The following HEPHL1 variants were observed in gnomAD, a reference collection of about 807,000 sequenced individuals.
The protein encoded by HEPHL1 is ferroxidase HEPHL1.
In HEPHL1, 123 loss-of-function variants were observed where a neutral mutation model predicts 122.0. The ratio of observed to expected loss-of-function variants is 1.01; its 90% CI spans 0.87 to 1.17. HEPHL1 has a LOEUF of 1.17. Among genes scored for constraint, HEPHL1 ranks in the 50% most tolerant of loss-of-function variants. The pLI, the probability that HEPHL1 is intolerant of heterozygous loss-of-function variation, is 0.00. For missense variants in HEPHL1, 1,452 were observed against 1,430.5 expected, an observed-to-expected ratio of 1.01 and a Z score of -0.24; for synonymous variants, 527 against 508.9, an observed-to-expected ratio of 1.04 and a Z score of -0.48.
chr11:94,110,652 A>AG (rs1356198933), intron 17 of HEPHL1, among the ~76,000 whole-genome samples: 1 of 152,196 alleles, frequency 6.6e-6, no homozygotes, highest in African/African-American at 2.4e-5. Flanking sequence ...GAATACCAGG[A>AG]GGTGGGGATC....
intron 15 of HEPHL1, among the ~76,000 whole-genome samples, chr11:94,103,872 T>C (rs1946388958): frequency 6.6e-6 from 1 of 152,184 alleles, no homozygotes; most frequent in Non-Finnish European, 1.5e-5. Flanking sequence ...CATATGAGAA[T>C]TATGGGAAAA....
At chr11:94,101,077 T>G in intron 13 of HEPHL1, 118 bp from the exon 14 acceptor site, 1 of 1,092,018 alleles carries the variant, frequency 9.2e-7, no homozygotes, top group Non-Finnish European at 1.4e-6. Context: ...ATATATGCCT[T>G]TCTCGGAAAA....
In HEPHL1 at chr11:94,104,707, T is replaced by G. The variant is rs1946395194; in HGVS notation, c.2862T>G (p.Asp954Glu). 1 of 1,613,742 alleles carries G rather than the reference T, an allele frequency of 6.2e-7. No individual in the cohort carries two copies. Among genetic ancestry groups the G allele is most frequent in the South Asian group, 1.1e-5 (1 of 91,076 alleles). ...AGTATCTCAACAAAGATCCACGAGATTTTAAGCGCACTGATGATTTTGAGG... is the reference window on the plus strand; with the variant it reads ...AGTATCTCAACAAAGATCCACGAGAGTTTAAGCGCACTGATGATTTTGAGG... The part of the protein sequence containing the change: ...IKKYLNKDPR[D>E]FKRTDDFEES... Residue 954 changes from aspartate to glutamate, a missense_variant, in exon 16 of 20, where the codon GAT becomes GAG. By Grantham distance (45) the Asp-to-Glu change is conservative. Coordinates refer to ENST00000315765, the MANE Select transcript of HEPHL1 (RefSeq NM_001098672.2).
At chr11:94,027,172 G>A (rs976337613) in intron 1 of HEPHL1, among the ~76,000 whole-genome samples, 16 of 152,092 alleles carry the variant, frequency 1.1e-4, no homozygotes, top group African/African-American at 3.6e-4. Context: ...TCTTCTCTCT[G>A]TGTGTCTAGC....
intron 15 of HEPHL1, 50 bp from the exon 16 acceptor site, chr11:94,104,475 ATAT>A: frequency 8.0e-7 from 1 of 1,253,198 alleles, no homozygotes; most frequent in South Asian, 1.3e-5. Context: ...GTGGAATGAA[ATAT>A]TATTAAATTA....
At chr11:94,102,287 C>G (rs72968759) in intron 14 of HEPHL1, among the ~76,000 whole-genome samples, 74 of 152,244 alleles carry the variant, frequency 4.9e-4, no homozygotes, top group Non-Finnish European at 8.2e-4. Context: ...CTATGATGAC[C>G]AACCCACTTT....
chr11:94,055,488 G>A (rs1050104929), intron 2 of HEPHL1: 1 of 241,374 alleles, frequency 4.1e-6, no homozygotes, highest in Non-Finnish European at 8.4e-6. Context: ...TCCAGGATGA[G>A]CTCAAAGGTG....
chr11:94,057,093 G>A (rs904772061), intron 2 of HEPHL1, among the ~76,000 whole-genome samples: 2 of 152,038 alleles, frequency 1.3e-5, no homozygotes, highest in East Asian at 1.9e-4. Flanking sequence ...TTCTGGGTTC[G>A]AATGTTCAGA....
intron 1 of HEPHL1, among the ~76,000 whole-genome samples, chr11:94,033,629 C>A (rs16919850): frequency 0.016 from 2,505 of 152,176 alleles, 77 homozygotes; most frequent in African/African-American, 0.057. Context: ...CTGTCCTGGA[C>A]CTAGAGGGTA....
chr11:94,064,928 C>G (rs961232855), intron 4 of HEPHL1, among the ~76,000 whole-genome samples: 3 of 152,100 alleles, frequency 2.0e-5, no homozygotes, highest in Non-Finnish European at 4.4e-5. Flanking sequence ...TTTTCTGAGC[C>G]GCTGATAAAT....
chr11:94,104,402 G>T, intron 15 of HEPHL1, 126 bp from the exon 16 acceptor site: 2 of 671,514 alleles, frequency 3.0e-6, no homozygotes, highest in Non-Finnish European at 5.2e-6. Context: ...AATCAGAGCT[G>T]AGAGAAGAAT....
chr11:94,046,091 C>CTTTTTTTCTTTTTTTTTT (rs1945834385), intron 2 of HEPHL1, among the ~76,000 whole-genome samples, 174 bp downstream of exon 2: 1 of 65,044 alleles, frequency 1.5e-5, no homozygotes, highest in Non-Finnish European at 2.6e-5. Context: ...CCCTTTCTTG[C>CTTTTTTTCTTTTTTTTTT]TTTTTTTTTT....
intron 9 of HEPHL1, 41 bp downstream of exon 9, chr11:94,075,426 G>A (rs1946113630): frequency 7.0e-7 from 1 of 1,427,334 alleles, no homozygotes; most frequent in Non-Finnish European, 9.4e-7. Context: ...AGGGTTGTAT[G>A]TGGGAGAGAT....
At chr11:94,044,105 A>G (rs1422521855) in intron 1 of HEPHL1, among the ~76,000 whole-genome samples, 1 of 151,684 alleles carries the variant, frequency 6.6e-6, no homozygotes. Context: ...TGGAGCTAGG[A>G]TGGGAGCTCC....
intron 11 of HEPHL1, among the ~76,000 whole-genome samples, chr11:94,088,511 A>G (rs1329815653): frequency 6.6e-6 from 1 of 151,980 alleles, no homozygotes; most frequent in Non-Finnish European, 1.5e-5. Flanking sequence ...CTTGGTAGCA[A>G]TATTGTAAGT....
chr11:94,079,137 G>A (rs142095934), intron 9 of HEPHL1, among the ~76,000 whole-genome samples: 4 of 152,282 alleles, frequency 2.6e-5, no homozygotes, highest in African/African-American at 9.6e-5. Context: ...ATATTTGTCA[G>A]TTGTTGCGTT....
At chr11:94,056,019 C>T in intron 2 of HEPHL1, 1 of 668,514 alleles carries the variant, frequency 1.5e-6, no homozygotes, top group Non-Finnish European at 2.4e-6. Flanking sequence ...ATTCTCTGTT[C>T]TTTAAATTAA....
At chr11:94,062,637 T>G (rs1401478994) in intron 2 of HEPHL1, among the ~76,000 whole-genome samples, 1 of 151,466 alleles carries the variant, frequency 6.6e-6, no homozygotes, top group Non-Finnish European at 1.5e-5. Context: ...TCCCTTACCA[T>G]CCAGCTTTTT....
intron 12 of HEPHL1, among the ~76,000 whole-genome samples, chr11:94,092,429 G>A (rs900126615): frequency 5.3e-5 from 8 of 152,240 alleles, no homozygotes; most frequent in South Asian, 2.1e-4. Flanking sequence ...AAAAATTTAC[G>A]TTGCTTGATG....
Sources: allele counts gnomAD v4.1 joint callset (sites outside exome capture counted in the v4.1 genomes callset), GRCh38; gene constraint gnomAD v4.1.1; transcripts MANE v1.5; gene names NCBI Gene and HGNC (gene_info 2026-07-23, HGNC 2026-07-21).